SYBU: variants seen among roughly 807,000 people sequenced by gnomAD.
The protein encoded by SYBU is GOLSYN A protein.
In SYBU, 21 loss-of-function variants were observed where a neutral mutation model predicts 35.9. The observed-to-expected ratio is 0.58, with a 90% CI of 0.41 to 0.84. The LOEUF is 0.84. Among genes scored for constraint, SYBU ranks in the 40% least tolerant of loss-of-function variants. SYBU has a pLI of 0.00. For missense variants in SYBU, 768 were observed against 848.2 expected (o/e 0.91, Z 1.17); for synonymous variants, 319 against 324.3 (o/e 0.98, Z 0.18).
chr8:109,649,266 T>C (rs1310860233), upstream of SYBU, among the ~76,000 whole-genome samples: 1 of 152,076 alleles, frequency 6.6e-6, no homozygotes. Context: ...CCTCCCAAAG[T>C]GCCAGGGTTA....
At chr8:109,594,074 G>T (rs1824590262) in intron 3 of SYBU, among the ~76,000 whole-genome samples, 1 of 152,238 alleles carries the variant, frequency 6.6e-6, no homozygotes, top group Non-Finnish European at 1.5e-5. Flanking sequence ...TTAAGGAGAA[G>T]CATTTATCCA....
At chr8:109,591,506 ATTTT>A (rs1047402673) in intron 3 of SYBU, among the ~76,000 whole-genome samples, 2 of 100,942 alleles carry the variant, frequency 2.0e-5, no homozygotes, top group African/African-American at 8.2e-5. Context: ...AAAAATGTAA[ATTTT>A]TTTTTTTTTT....
chr8:109,644,611 GC>G, intron 1 of SYBU, 24 bp downstream of exon 1: 3 of 1,544,348 alleles, frequency 1.9e-6, no homozygotes, highest in Non-Finnish European at 1.7e-6. Context: ...GCCCTCCAGT[GC>G]CCGCACTGCC....
At chr8:109,593,698 A>G (rs1233836274) in intron 3 of SYBU, among the ~76,000 whole-genome samples, 4 of 152,224 alleles carry the variant, frequency 2.6e-5, no homozygotes, top group Non-Finnish European at 5.9e-5. Context: ...GGGTTATTCC[A>G]TCAGTGCCAA....
At chr8:109,648,784 C>T (rs1223041221), upstream of SYBU, 3 of 151,796 alleles carry the variant, frequency 2.0e-5, no homozygotes, top group Non-Finnish European at 2.9e-5. Context: ...CTGTCTCTCT[C>T]GGTGACCTAA....
rs377698654 is a variant in SYBU at position 109,676,344 on chromosome 8, A to G, written c.-129+4367T>C. On this transcript the variant is annotated intron_variant, in intron 1 of 5. Transcript: ENST00000408889. ...TTCAAATAGGAAGAGAGGAAGTCAA[A>G]TTGTCTCTGTTTGCAGGTGACTTGA... 2.7e-4 allele frequency among the ~76,000 whole-genome samples: 41 copies of G among 152,246 alleles called. No homozygotes were observed. In the East Asian group the frequency reaches 5.6e-3, roughly 21 times the overall value.
chr8:109,605,562 C>G (rs555347348), intron 3 of SYBU, among the ~76,000 whole-genome samples: 1 of 152,192 alleles, frequency 6.6e-6, no homozygotes, highest in African/African-American at 2.4e-5. Flanking sequence ...AGAGAATATG[C>G]CAGAAGAAGT....
intron 3 of SYBU, among the ~76,000 whole-genome samples, chr8:109,598,241 T>G (rs900004858): frequency 2.6e-5 from 4 of 152,214 alleles, no homozygotes; most frequent in African/African-American, 9.7e-5. Context: ...AGATACACAC[T>G]GTAGTATATA....
chr8:109,675,946 C>G (rs750925785), intron 1 of SYBU, among the ~76,000 whole-genome samples: 4 of 152,198 alleles, frequency 2.6e-5, no homozygotes, highest in Non-Finnish European at 5.9e-5. Context: ...CCACCATGAT[C>G]AAGTTGGTTT....
At chr8:109,626,305 T>C (rs1348677818) in intron 2 of SYBU, among the ~76,000 whole-genome samples, 1 of 152,218 alleles carries the variant, frequency 6.6e-6, no homozygotes, top group East Asian at 1.9e-4. Context: ...TTTTTATTAT[T>C]CAAAGATCAA....
chr8:109,649,964 G>A (rs1244740279), intron 1 of SYBU, among the ~76,000 whole-genome samples: 1 of 152,194 alleles, frequency 6.6e-6, no homozygotes, highest in Non-Finnish European at 1.5e-5. Flanking sequence ...GGCAAAGGAT[G>A]TTATCTGTAA....
At chr8:109,602,112 T>C (rs1006564660) in intron 3 of SYBU, among the ~76,000 whole-genome samples, 9 of 152,078 alleles carry the variant, frequency 5.9e-5, no homozygotes, top group Non-Finnish European at 4.4e-5. Context: ...TCCACAAAAT[T>C]AACTGTATGG....
chr8:109,672,564 C>T (rs1817024519), intron 1 of SYBU, among the ~76,000 whole-genome samples: 1 of 152,228 alleles, frequency 6.6e-6, no homozygotes, highest in Admixed American at 6.5e-5. Flanking sequence ...TGGAAGCCTA[C>T]ACCACCAGGG....
intron 3 of SYBU, among the ~76,000 whole-genome samples, chr8:109,594,084 AGT>A (rs1824591978): frequency 6.6e-6 from 1 of 152,248 alleles, no homozygotes; most frequent in African/African-American, 2.4e-5. Context: ...GCATTTATCC[AGT>A]GTTTACCAAA....
At chr8:109,677,284 T>C (rs1477478958) in intron 1 of SYBU, among the ~76,000 whole-genome samples, 1 of 152,190 alleles carries the variant, frequency 6.6e-6, no homozygotes, top group Non-Finnish European at 1.5e-5. Flanking sequence ...CACACACAAA[T>C]AATTTGAAAT....
chr8:109,623,408 G>A (rs1460140931), intron 2 of SYBU, among the ~76,000 whole-genome samples: 1 of 152,136 alleles, frequency 6.6e-6, no homozygotes, highest in Admixed American at 6.5e-5. Context: ...AGGATTAAGG[G>A]TAGTAGAAAG....
chr8:109,638,861 T>A (rs1357231411), intron 2 of SYBU, among the ~76,000 whole-genome samples: 1 of 152,104 alleles, frequency 6.6e-6, no homozygotes, highest in Non-Finnish European at 1.5e-5. Context: ...TCAAAGAAAT[T>A]TCGCTAAGAA....
intron 3 of SYBU, among the ~76,000 whole-genome samples, chr8:109,602,693 A>G (rs1234471420): frequency 1.3e-5 from 2 of 152,140 alleles, no homozygotes; most frequent in African/African-American, 4.8e-5. Flanking sequence ...TTGGCCTCCC[A>G]AAGTGCTGGG....
At chr8:109,607,327 T>C (rs1426309520) in intron 3 of SYBU, among the ~76,000 whole-genome samples, 2 of 152,240 alleles carry the variant, frequency 1.3e-5, no homozygotes, top group Admixed American at 6.5e-5. Flanking sequence ...GTGAGAAAAG[T>C]AAATTAAAAC....
Sources: gnomAD v4.1 joint callset for allele counts (sites outside exome capture counted in the v4.1 genomes callset) on GRCh38, gnomAD v4.1.1 for gene constraint, MANE v1.5 for transcripts, NCBI Gene and HGNC (gene_info 2026-07-23, HGNC 2026-07-21) for gene names.